The following ICMT variants were observed in gnomAD, a reference collection of about 807,000 sequenced individuals.
The protein encoded by ICMT is protein-S-isoprenylcysteine O-methyltransferase.
Under a neutral mutation model 32.2 loss-of-function variants are expected in ICMT, and 10 were observed. That is an observed-to-expected ratio of 0.31 (90% CI 0.19 to 0.53). ICMT has a LOEUF of 0.53. Ranked by LOEUF, ICMT falls within the 20% of genes least tolerant of loss-of-function variation. The pLI is 0.96. For missense variants in ICMT, 265 were observed against 356.9 expected, an observed-to-expected ratio of 0.74 and a Z score of 2.07; for synonymous variants, 183 against 158.2, an observed-to-expected ratio of 1.16 and a Z score of -1.18.
At chr1:6,228,049 C>T (rs1270406085) in intron 4 of ICMT, among the ~76,000 whole-genome samples, 2 of 152,194 alleles carry the variant, frequency 1.3e-5, no homozygotes, top group Admixed American at 1.3e-4. Context: ...CTTATAGTCC[C>T]AGCTACTCAG....
At position 6,234,929 on chromosome 1, in the gene ICMT, T is replaced by C. The variant is rs1239401952; in HGVS notation, c.241A>G (p.Thr81Ala). 6.2e-7 allele frequency: 1 copy of C among 1,614,052 alleles called. No homozygotes were observed. The highest frequency in any genetic ancestry group is 1.1e-5 in the South Asian group (1 of 91,080). Residue 81 changes from threonine to alanine, a missense_variant, in exon 2 of 5, where the codon ACG becomes GCG. Coordinates refer to ENST00000343813, the MANE Select transcript of ICMT (RefSeq NM_012405.4). ...GAAGACTGGCTAAAACTTAGCAGCG[T>C]GCCGCAGCCGAACACAAACCCCAGG... ...CFLGFVFGCG[T>A]LLSFSQSSWS...
chr1:6,229,107 G>A (rs192606271), intron 4 of ICMT, among the ~76,000 whole-genome samples: 15 of 152,306 alleles, frequency 9.8e-5, no homozygotes, highest in Non-Finnish European at 1.9e-4. Context: ...AGAGGCCGAG[G>A]CGGGTAGATC....
At position 6,224,986 on chromosome 1, in the gene ICMT, T is replaced by A; in HGVS notation, c.*94A>T. Reference sequence around the variant, plus strand: ...AAGAGTGACTAATGACATAAAACGATTAAGAAAATCCATGTGGCAGCGGCC... The same window carrying A: ...AAGAGTGACTAATGACATAAAACGAATAAGAAAATCCATGTGGCAGCGGCC... On this transcript the variant is annotated 3_prime_UTR_variant, in exon 5 of 5. Transcript: ENST00000343813. 8.9e-7 allele frequency: 1 copy of A among 1,118,300 alleles called. No homozygotes were observed. The highest frequency in any genetic ancestry group is 1.3e-6 in the Non-Finnish European group (1 of 772,552). The allele number at this position is 1,118,300 out of a possible 1,614,324, so 69.3% of individuals were successfully genotyped here.
chr1:6,231,378 C>T (rs1668733690), intron 4 of ICMT, among the ~76,000 whole-genome samples: 1 of 152,020 alleles, frequency 6.6e-6, no homozygotes, highest in Non-Finnish European at 1.5e-5. Flanking sequence ...TCCTCACCCC[C>T]TCTGGGGTGC....
chr1:6,233,650 A>T lies in ICMT; in HGVS notation c.285-7T>A. ...TGACAGGGAGCACATGTACCTATTT[A>T]AAGACAAAAAGAGAGTTAAGTTGGG... On this transcript the variant is annotated splice_polypyrimidine_tract_variant and splice_region_variant and intron_variant, in intron 2 of 4. Transcript: ENST00000343813. 1 of 1,606,472 alleles carries T rather than the reference A, an allele frequency of 6.2e-7. No individual in the cohort carries two copies. The highest frequency in any genetic ancestry group is 8.5e-7 in the Non-Finnish European group (1 of 1,177,096).
At position 6,231,902 on chromosome 1, in the gene ICMT, C is replaced by A; in HGVS notation, c.672G>T (p.Gln224His). The A allele has an allele frequency of 1.3e-6, 2 of 1,536,546 alleles. No individual in the cohort carries two copies. The highest frequency in any genetic ancestry group is 1.2e-5 in the South Asian group (1 of 81,672). The change falls in exon 4 of 5, where the codon CAG (glutamine) becomes CAT (histidine). Residue 224 changes from glutamine (Q) to histidine (H), a missense_variant and splice_region_variant. By Grantham distance (24) the Gln-to-His change is conservative. Around this residue, in one of 2 missense-constraint regions of ICMT, gnomAD observed 166 missense variants for 264.3 expected, o/e 0.63. Transcript: ENST00000343813. Reference protein sequence around the residue: ...VGWFYWSIGTQVMLCNPICGV... With the variant: ...VGWFYWSIGTHVMLCNPICGV... Reference sequence around the variant, plus strand: ...AGCAGTGTCATATTTAATATTATACCTGAGTTCCAATACTCCAGTAAAACC... The same window carrying A: ...AGCAGTGTCATATTTAATATTATACATGAGTTCCAATACTCCAGTAAAACC...
chr1:6,233,578 T>C lies in ICMT; in HGVS notation c.350A>G (p.Lys117Arg), dbSNP rs766095611. 6.2e-7 allele frequency: 1 copy of C among 1,614,012 alleles called. No homozygotes were observed. Among genetic ancestry groups the C allele is most frequent in the South Asian group, 1.1e-5 (1 of 91,082 alleles). Residue 117 changes from lysine to arginine, a missense_variant, in exon 3 of 5, where the codon AAA becomes AGA. Physicochemically the swap from Lys to Arg is conservative, Grantham distance 26. Around this residue, in one of 2 missense-constraint regions of ICMT, gnomAD observed 166 missense variants for 264.3 expected, o/e 0.63. Coordinates refer to ENST00000343813, the MANE Select transcript of ICMT (RefSeq NM_012405.4). ...GAGAAAGGAATCCAAGGACAGACTT[T>C]TGGGATTATTGACTGCTGTCACCAA... ...EYLVTAVNNP[K>R]SLSLDSFLLN... is the part of the protein sequence containing the mutation.
At chr1:6,229,637 C>A (rs1668699695) in intron 4 of ICMT, among the ~76,000 whole-genome samples, 1 of 152,110 alleles carries the variant, frequency 6.6e-6, no homozygotes, top group Admixed American at 6.6e-5. Context: ...CCAGCCTGGG[C>A]AGATACTTAG....
At chr1:6,230,881 A>G (rs995221784) in intron 4 of ICMT, among the ~76,000 whole-genome samples, 7 of 144,976 alleles carry the variant, frequency 4.8e-5, no homozygotes, top group Non-Finnish European at 1.1e-4. Flanking sequence ...AGGGCAACAG[A>G]GTGAGACTCC....
At position 6,235,892 on chromosome 1, in the gene ICMT, C is replaced by A. The variant is rs911471063; in HGVS notation, c.20G>T (p.Arg7Leu). The change falls in exon 1 of 5, where the codon CGG becomes CTG. Residue 7 changes from arginine to leucine, a missense_variant. This residue lies in a region of ICMT where 99 missense variants were observed against 92.6 expected (regional missense o/e 1.07). Coordinates refer to ENST00000343813, the MANE Select transcript of ICMT (RefSeq NM_012405.4). MAGCAA[R>L]APPGSEARLS... ...ACGCGCCTCAGAGCCCGGCGGAGCC[C>A]GCGCCGCGCAGCCCGCCATGGCGCC... The A allele has an allele frequency of 1.1e-5, 12 of 1,130,710 alleles. 1 individual carries two copies. In the African/African-American group the frequency reaches 1.7e-4, roughly 16 times the overall value. The allele number at this position is 1,130,710 out of a possible 1,614,324, so 70.0% of individuals were successfully genotyped here.
At chr1:6,230,903 G>GA (rs557858792) in intron 4 of ICMT, among the ~76,000 whole-genome samples, 811 of 73,286 alleles carry the variant, frequency 0.011, 3 homozygotes, top group Middle Eastern at 0.028. Flanking sequence ...TCTCAAAAAG[G>GA]AAAAAAAAAA....
At chr1:6,234,732 A>G (rs1668790718) in intron 2 of ICMT, among the ~76,000 whole-genome samples, 154 bp downstream of exon 2, 1 of 151,674 alleles carries the variant, frequency 6.6e-6, no homozygotes, top group African/African-American at 2.4e-5. Flanking sequence ...CTGAAATGTG[A>G]GCAACTAGGG....
chr1:6,234,199 G>A (rs1452126047), intron 2 of ICMT, among the ~76,000 whole-genome samples: 2 of 152,054 alleles, frequency 1.3e-5, no homozygotes, highest in African/African-American at 2.4e-5. Flanking sequence ...AATGTCACAG[G>A]CAAAACAAAC....
chr1:6,234,742 G>A lies in ICMT; in HGVS notation c.284+144C>T, dbSNP rs140713956. ...AAGGGCTGAAATGTGAGCAACTAGG[G>A]GGAAGCCAGGAGACTTCGTTTCCAG... On this transcript the variant is annotated intron_variant, in intron 2 of 4. Coordinates refer to ENST00000343813, the MANE Select transcript of ICMT (RefSeq NM_012405.4). The A allele has an allele frequency of 7.2e-6, 5 of 692,384 alleles. No individual in the cohort carries two copies. The East Asian group carries it at 7.6e-5, about 10-fold the overall frequency. The allele number at this position is 692,384 out of a possible 1,614,324, so 42.9% of individuals were successfully genotyped here.
rs541662841 is a variant in ICMT at position 6,235,090 on chromosome 1, G to A, written c.196-116C>T. On this transcript the variant is annotated intron_variant, in intron 1 of 4. Transcript: ENST00000343813. ...CAAGCAGATAGAGCCGATTTGCTGAGGTTGAAAGGGAGAAGTGGGCGACCT... is the reference window on the plus strand; with the variant it reads ...CAAGCAGATAGAGCCGATTTGCTGAAGTTGAAAGGGAGAAGTGGGCGACCT... The A allele has an allele frequency of 7.3e-5, 56 of 768,936 alleles. No homozygotes were observed. In the South Asian group the frequency reaches 7.5e-4, roughly 10 times the overall value. The allele number at this position is 768,936 out of a possible 1,614,324, so 47.6% of individuals were successfully genotyped here.
Position 6,224,074 on chromosome 1 carries a change from AAC to A in ICMT, c.*1004_*1005del, listed in dbSNP as rs1332888634. 1.3e-5 allele frequency: 2 copies of A among 152,186 alleles called. No individual in the cohort carries two copies. Among genetic ancestry groups the A allele is most frequent in the Admixed American group, 6.5e-5 (1 of 15,272 alleles). 9.4% of individuals were successfully genotyped at this position (152,186 alleles called of 1,614,324 possible). Reference sequence around the variant, plus strand: ...TGTATATGCTCAAATCCCTTTGGAAAACAGTTTGAAATGACATGAGGGACAAT... The same window carrying A: ...TGTATATGCTCAAATCCCTTTGGAAAAGTTTGAAATGACATGAGGGACAAT... On this transcript the variant is annotated 3_prime_UTR_variant, in exon 5 of 5. Coordinates refer to ENST00000343813, the MANE Select transcript of ICMT (RefSeq NM_012405.4).
chr1:6,234,525 G>C, intron 2 of ICMT: 1 of 484,740 alleles, frequency 2.1e-6, no homozygotes, highest in South Asian at 1.5e-5. Flanking sequence ...ATAGAAATTA[G>C]AGATGAAAAA....
Position 6,231,941 on chromosome 1 carries a change from A to G in ICMT, c.633T>C (p.Pro211=). ...TSGVYAWFRH[P]SYVGWFYWSI... ...TCCAGTAAAACCACCCGACGTAAGA[A>G]GGATGCCGAAACCAAGCGTACACTC... The change falls in exon 4 of 5, where the codon CCT becomes CCC. Residue 211 remains proline (P), a synonymous_variant. Coordinates refer to ENST00000343813, the MANE Select transcript of ICMT (RefSeq NM_012405.4). 1 of 1,599,866 alleles carries G rather than the reference A, an allele frequency of 6.3e-7. No individual in the cohort carries two copies. Among genetic ancestry groups the G allele is most frequent in the Non-Finnish European group, 8.6e-7 (1 of 1,168,712 alleles).
At chr1:6,234,551 G>A (rs1222190612) in intron 2 of ICMT, 1 of 487,540 alleles carries the variant, frequency 2.1e-6, no homozygotes, top group Admixed American at 2.3e-5. Flanking sequence ...ATGAAGACAA[G>A]CCAGAGCCCT....
Sources: gnomAD v4.1 joint callset for allele counts (sites outside exome capture counted in the v4.1 genomes callset) on GRCh38, gnomAD v4.1.1 for gene constraint, gnomAD v4.1.1 regional missense constraint, MANE v1.5 for transcripts, NCBI Gene and HGNC (gene_info 2026-07-23, HGNC 2026-07-21) for gene names.